Variants in TENM4 observed in about 807,000 individuals in gnomAD.
TENM4 encodes the protein teneurin transmembrane protein 4.
A neutral mutation model predicts 243.3 loss-of-function variants in TENM4; 82 were observed. That is an observed-to-expected ratio of 0.34 (90% confidence interval 0.28 to 0.40). TENM4 has a LOEUF of 0.40. TENM4 is among the 10% of genes least tolerant of loss of function. TENM4 has a pLI of 1.00. For missense variants in TENM4, 3,138 were observed against 3,673.3 expected (o/e 0.85, Z 3.77); for synonymous variants, 1,412 against 1,456.3 (o/e 0.97, Z 0.69).
intron 2 of TENM4, among the ~76,000 whole-genome samples, chr11:79,268,498 T>G (rs142285385): frequency 1.3e-5 from 2 of 152,300 alleles, no homozygotes; most frequent in East Asian, 3.9e-4. Flanking sequence ...GAGATGTAAA[T>G]GAAATAAGGT....
At chr11:79,044,582 G>A (rs948629127) in intron 6 of TENM4, among the ~76,000 whole-genome samples, 3 of 152,202 alleles carry the variant, frequency 2.0e-5, no homozygotes, top group African/African-American at 7.2e-5. Flanking sequence ...TGAGTGCTGG[G>A]CCTGAAACTA....
chr11:79,407,968 A>T (rs898766144), intron 1 of TENM4, among the ~76,000 whole-genome samples: 2 of 150,378 alleles, frequency 1.3e-5, no homozygotes, highest in Middle Eastern at 3.4e-3. Flanking sequence ...CAGGAGCATG[A>T]TCTTGGCTCA....
chr11:79,101,629 C>T (rs190854951), intron 4 of TENM4, among the ~76,000 whole-genome samples: 68 of 152,294 alleles, frequency 4.5e-4, no homozygotes, highest in African/African-American at 1.4e-3. Flanking sequence ...TGATGCTCTG[C>T]GCCTCACTTT....
intron 3 of TENM4, among the ~76,000 whole-genome samples, chr11:79,168,649 A>T (rs888867244): frequency 6.6e-6 from 1 of 152,116 alleles, no homozygotes; most frequent in Admixed American, 6.5e-5. Context: ...CTTGCAGTAG[A>T]TTCACCGCAA....
chr11:79,065,406 G>T (rs1402951087), intron 5 of TENM4, among the ~76,000 whole-genome samples: 1 of 152,208 alleles, frequency 6.6e-6, no homozygotes, highest in African/African-American at 2.4e-5. Flanking sequence ...ACCATGTTTT[G>T]CTTATGCTTA....
intron 3 of TENM4, among the ~76,000 whole-genome samples, chr11:79,166,065 C>T (rs1862906962): frequency 6.6e-6 from 1 of 152,092 alleles, no homozygotes; most frequent in South Asian, 2.1e-4. Context: ...AGGGAGTGTC[C>T]TTAAGGTCCA....
chr11:79,177,485 T>C lies in TENM4; in HGVS notation c.-162-28679A>G, dbSNP rs1483539287. 2.0e-5 allele frequency among the ~76,000 whole-genome samples: 3 copies of C among 152,118 alleles called. No homozygotes were observed. The East Asian group carries it at 5.8e-4, about 29-fold the overall frequency. On this transcript the variant is annotated intron_variant, in intron 3 of 33. Coordinates refer to ENST00000278550, the MANE Select transcript of TENM4 (RefSeq NM_001098816.3). The stretch of plus-strand genomic sequence containing the variant: ...CTCTGAGCACCCATAGGTATTGCTC[T>C]ACATTCAGGGATCAAGAATAAACAG...
At chr11:78,786,706 G>A (rs1464347017) in intron 16 of TENM4, among the ~76,000 whole-genome samples, 192 bp downstream of exon 16, 1 of 152,204 alleles carries the variant, frequency 6.6e-6, no homozygotes, top group Non-Finnish European at 1.5e-5. Context: ...GAGTAATAAG[G>A]TTGAAAATAC....
chr11:78,674,871 GT>G (rs201243148), intron 30 of TENM4, among the ~76,000 whole-genome samples: 3,696 of 146,248 alleles, frequency 0.025, 89 homozygotes, highest in Admixed American at 0.057. Flanking sequence ...CTATTTTCTA[GT>G]TTTTTTTTTT....
intron 4 of TENM4, among the ~76,000 whole-genome samples, chr11:79,136,872 T>C (rs1173051586): frequency 1.3e-5 from 2 of 152,164 alleles, no homozygotes; most frequent in African/African-American, 2.4e-5. Flanking sequence ...GCTGGATTGA[T>C]AGAATGGTGG....
chr11:79,332,320 C>T (rs1234223919), intron 1 of TENM4, among the ~76,000 whole-genome samples: 1 of 152,062 alleles, frequency 6.6e-6, no homozygotes, highest in Non-Finnish European at 1.5e-5. Flanking sequence ...TAGAATTTAG[C>T]ATGAAAGACT....
chr11:79,097,101 C>T (rs953871251), intron 4 of TENM4: 4 of 152,174 alleles, frequency 2.6e-5, no homozygotes, highest in Non-Finnish European at 5.9e-5. Context: ...GACAGGGGCT[C>T]TATCCACATT....
intron 2 of TENM4, among the ~76,000 whole-genome samples, chr11:79,222,351 C>A (rs1468185936): frequency 6.6e-6 from 1 of 152,152 alleles, no homozygotes; most frequent in African/African-American, 2.4e-5. Context: ...TTTTTTATGG[C>A]TGCATAGTAT....
chr11:78,984,278 C>A (rs1303716003), intron 6 of TENM4, among the ~76,000 whole-genome samples: 1 of 152,096 alleles, frequency 6.6e-6, no homozygotes, highest in Non-Finnish European at 1.5e-5. Context: ...CTAAATGAAG[C>A]CTAGTAAAGT....
In TENM4 at chr11:78,897,293, A is replaced by C. The variant is rs144536975; in HGVS notation, c.750-5957T>G. Reference sequence around the variant, plus strand: ...CCTGGTTTGCCCCAGAGTCTACCCCAGGCTTCTTTTCCCTTTGCTGATTCT... The same window carrying C: ...CCTGGTTTGCCCCAGAGTCTACCCCCGGCTTCTTTTCCCTTTGCTGATTCT... On this transcript the variant is annotated intron_variant, in intron 7 of 33. Coordinates refer to ENST00000278550, the MANE Select transcript of TENM4 (RefSeq NM_001098816.3). 7.7e-3 allele frequency among the ~76,000 whole-genome samples: 1,175 copies of C among 152,248 alleles called. 14 individuals carry two copies. Among genetic ancestry groups the C allele is most frequent in the African/African-American group, 0.027 (1,116 of 41,538 alleles).
At chr11:79,021,750 T>A (rs1342329258) in intron 6 of TENM4, 3 of 152,200 alleles carry the variant, frequency 2.0e-5, no homozygotes, top group Non-Finnish European at 4.4e-5. Flanking sequence ...CACATGATGA[T>A]GTGGGATGCC....
rs868745723 is a variant in TENM4, at chr11:78,721,061, C to T, written c.3801-671G>A. 2.6e-5 allele frequency among the ~76,000 whole-genome samples: 4 copies of T among 152,192 alleles called. No homozygotes were observed. In the East Asian group the frequency reaches 5.8e-4, roughly 22 times the overall value. On this transcript the variant is annotated intron_variant, in intron 24 of 33. Coordinates refer to ENST00000278550, the MANE Select transcript of TENM4 (RefSeq NM_001098816.3). ...GTCTCTTATTGGAAAGAGGTGAAAA[C>T]GGAGGTCCAGGGAGGTTCAGTGATT...
chr11:78,858,629 G>A (rs1858737583), intron 10 of TENM4, among the ~76,000 whole-genome samples: 2 of 152,156 alleles, frequency 1.3e-5, no homozygotes, highest in African/African-American at 2.4e-5. Flanking sequence ...GATGCTATAA[G>A]ACTTTTTGTC....
At chr11:78,934,226 T>C (rs549143443) in intron 6 of TENM4, among the ~76,000 whole-genome samples, 1 of 152,174 alleles carries the variant, frequency 6.6e-6, no homozygotes, top group Non-Finnish European at 1.5e-5. Context: ...TATTCACGCA[T>C]TCATTTGTTC....
Sources: gnomAD v4.1 joint callset for allele counts (sites outside exome capture counted in the v4.1 genomes callset) on GRCh38, gnomAD v4.1.1 for gene constraint, MANE v1.5 for transcripts, NCBI Gene and HGNC (gene_info 2026-07-23, HGNC 2026-07-21) for gene names.